The following PHACTR1 variants were observed in gnomAD, a reference collection of about 807,000 sequenced individuals.
The protein encoded by PHACTR1 is RPEL repeat containing 1.
In PHACTR1, 16 loss-of-function variants were observed where a neutral mutation model predicts 69.2. The ratio of observed to expected loss-of-function variants is 0.23; its 90% CI spans 0.16 to 0.35. PHACTR1 has a LOEUF of 0.35. PHACTR1 is among the 10% of genes least tolerant of loss of function. The pLI, the probability that PHACTR1 is intolerant of heterozygous loss-of-function variation, is 1.00. For missense variants in PHACTR1, 510 were observed against 734.7 expected, an observed-to-expected ratio of 0.69 and a Z score of 3.54; for synonymous variants, 312 against 284.5, an observed-to-expected ratio of 1.10 and a Z score of -0.97.
At chr6:12,901,617 C>T (rs1413918230) in intron 4 of PHACTR1, among the ~76,000 whole-genome samples, 3 of 152,158 alleles carry the variant, frequency 2.0e-5, no homozygotes, top group Admixed American at 1.3e-4. Context: ...GCCTCAGCCT[C>T]CCGAGTAGCT....
intron 4 of PHACTR1, among the ~76,000 whole-genome samples, chr6:12,828,760 T>TA (rs5874386): frequency 0.2 from 30,966 of 151,086 alleles, 3,388 homozygotes; most frequent in African/African-American, 0.28. Context: ...TGCTTCGTTG[T>TA]AAAAAAAAAC....
intron 5 of PHACTR1, among the ~76,000 whole-genome samples, chr6:13,112,957 A>G (rs572347018): frequency 1.3e-5 from 2 of 152,064 alleles, no homozygotes; most frequent in Admixed American, 1.3e-4. Context: ...CCATTCTTAT[A>G]TTGAGAATGG....
intron 4 of PHACTR1, among the ~76,000 whole-genome samples, chr6:12,932,465 C>A (rs1433094852): frequency 6.6e-6 from 1 of 152,056 alleles, no homozygotes; most frequent in Non-Finnish European, 1.5e-5. Flanking sequence ...AATATATAGG[C>A]CTTTTAAAAA....
At chr6:12,806,562 C>G (rs932123167) in intron 4 of PHACTR1, among the ~76,000 whole-genome samples, 2 of 152,252 alleles carry the variant, frequency 1.3e-5, no homozygotes, top group Admixed American at 6.5e-5. Context: ...AAATGACCTC[C>G]TGCCTCAGCC....
intron 3 of PHACTR1, among the ~76,000 whole-genome samples, chr6:12,720,676 G>C (rs1228547353): frequency 6.6e-6 from 1 of 152,210 alleles, no homozygotes; most frequent in African/African-American, 2.4e-5. Flanking sequence ...GGAGGGGCGG[G>C]GGTTCCCGCA....
At chr6:13,199,383 C>CAAA (rs59070503) in intron 7 of PHACTR1, among the ~76,000 whole-genome samples, 12 of 78,250 alleles carry the variant, frequency 1.5e-4, no homozygotes, top group South Asian at 1.5e-3. Flanking sequence ...GAGTCCATCT[C>CAAA]AAAAAAAAAA....
At chr6:12,865,493 T>C (rs553537655) in intron 4 of PHACTR1, among the ~76,000 whole-genome samples, 26 of 151,884 alleles carry the variant, frequency 1.7e-4, no homozygotes, top group Non-Finnish European at 2.8e-4. Flanking sequence ...TGCGTGTGTG[T>C]AGACAATCCT....
intron 6 of PHACTR1, among the ~76,000 whole-genome samples, chr6:13,166,532 T>G (rs1759837122): frequency 6.6e-6 from 1 of 152,222 alleles, no homozygotes; most frequent in Non-Finnish European, 1.5e-5. Context: ...ACTTGGTTTA[T>G]TCACTGCACC....
At chr6:12,856,872 A>G (rs535813056) in intron 4 of PHACTR1, among the ~76,000 whole-genome samples, 2 of 152,380 alleles carry the variant, frequency 1.3e-5, no homozygotes, top group South Asian at 4.1e-4. Flanking sequence ...GACCAGAGAC[A>G]GAGACCGTGT....
intron 4 of PHACTR1, among the ~76,000 whole-genome samples, chr6:12,958,578 T>G (rs190641428): frequency 4.6e-5 from 7 of 152,328 alleles, no homozygotes; most frequent in Non-Finnish European, 2.9e-5. Flanking sequence ...CGGGAACTGA[T>G]AACAGCTCAC....
chr6:13,179,258 C>CTGATATAT lies in PHACTR1; in HGVS notation c.497-3261_497-3260insTGATATAT, dbSNP rs1761828414. Among the ~76,000 whole-genome samples the CTGATATAT allele has an allele frequency of 6.6e-6, 1 of 152,002 alleles. No individual in the cohort carries two copies. The highest frequency in any genetic ancestry group is 1.5e-5 in the Non-Finnish European group (1 of 67,994). Reference sequence around the variant, plus strand: ...CTCAAACAAACAGCAACAACAACAACAACAAACCCAGTACTGATATATAAA... The same window carrying CTGATATAT: ...CTCAAACAAACAGCAACAACAACAACTGATATATAACAAACCCAGTACTGATATATAAA... On this transcript the variant is annotated intron_variant, in intron 6 of 14. Coordinates refer to ENST00000332995, the MANE Select transcript of PHACTR1 (RefSeq NM_030948.6). This position sits in a 1 kb window ranked among gnomAD's most constrained non-coding sequence, Gnocchi z 4.2.
In PHACTR1 at chr6:13,179,750, A is replaced by C. The variant is rs538784011; in HGVS notation, c.497-2769A>C. 6.6e-5 allele frequency among the ~76,000 whole-genome samples: 9 copies of C among 136,754 alleles called. No individual in the cohort carries two copies. The highest frequency in any genetic ancestry group is 2.7e-4 in the African/African-American group (8 of 29,382). 89.7% of individuals were successfully genotyped at this position (136,754 alleles called of 152,430 possible). On this transcript the variant is annotated intron_variant, in intron 6 of 14. Coordinates refer to ENST00000332995, the MANE Select transcript of PHACTR1 (RefSeq NM_030948.6). The surrounding 1 kb of genome is among the most constrained non-coding windows in gnomAD (Gnocchi z 4.2). ...TAGATAGATAGATAGATAGATAGAC[A>C]GAACAAGGTTATCAATATTAATGTT...
chr6:13,053,350 C>T lies in PHACTR1; in HGVS notation c.251-15C>T. ...TTTCTCTCTTTGTTTTCATCTCTTTCTTGGAAATAACAAGCTGAGGAAGTG... is the reference window on the plus strand; with the variant it reads ...TTTCTCTCTTTGTTTTCATCTCTTTTTTGGAAATAACAAGCTGAGGAAGTG... On this transcript the variant is annotated splice_polypyrimidine_tract_variant and intron_variant, in intron 4 of 14. Coordinates refer to ENST00000332995, the MANE Select transcript of PHACTR1 (RefSeq NM_030948.6). 1.9e-6 allele frequency: 3 copies of T among 1,583,618 alleles called. No individual in the cohort carries two copies. The highest frequency in any genetic ancestry group is 2.3e-5 in the South Asian group (2 of 85,986).
chr6:12,814,092 C>T (rs1012154704), intron 4 of PHACTR1, among the ~76,000 whole-genome samples: 3 of 152,196 alleles, frequency 2.0e-5, no homozygotes, highest in Non-Finnish European at 4.4e-5. Flanking sequence ...GTTTTAGCTC[C>T]TGGGTGTCAG....
chr6:13,129,585 A>G (rs1279702368), intron 5 of PHACTR1, among the ~76,000 whole-genome samples: 1 of 152,088 alleles, frequency 6.6e-6, no homozygotes, highest in African/African-American at 2.4e-5. Flanking sequence ...GATAAAAGGA[A>G]TAGTCCAGCA....
chr6:13,008,423 A>C (rs992452215), intron 4 of PHACTR1, among the ~76,000 whole-genome samples: 13 of 152,204 alleles, frequency 8.5e-5, no homozygotes, highest in African/African-American at 3.1e-4. Context: ...CTCCACTTAC[A>C]TACCCCTAAA....
chr6:13,259,691 G>A (rs1462543358), intron 10 of PHACTR1, among the ~76,000 whole-genome samples: 1 of 152,170 alleles, frequency 6.6e-6, no homozygotes, highest in African/African-American at 2.4e-5. Context: ...GGGCATGGAG[G>A]GGTAAGGAGA....
chr6:13,276,977 G>A (rs1159992897), intron 11 of PHACTR1, among the ~76,000 whole-genome samples: 2 of 152,150 alleles, frequency 1.3e-5, no homozygotes, highest in African/African-American at 4.8e-5. Context: ...CAAAATCAAC[G>A]TGTTTCCTTT....
intron 5 of PHACTR1, among the ~76,000 whole-genome samples, chr6:13,099,580 CTGTGGGTGTGGATGTGGA>C (rs1814816686): frequency 6.6e-6 from 1 of 152,182 alleles, no homozygotes; most frequent in Non-Finnish European, 1.5e-5. Flanking sequence ...TGGAGATACT[CTGTGGGTGTGGATGTGGA>C]TGTGGGTGTG....
Sources: allele counts gnomAD v4.1 joint callset (sites outside exome capture counted in the v4.1 genomes callset), GRCh38; gene constraint gnomAD v4.1.1; non-coding constraint Gnocchi (gnomAD v3.1); transcripts MANE v1.5; gene names NCBI Gene and HGNC (gene_info 2026-07-23, HGNC 2026-07-21).